The following EHF variants were observed in gnomAD, a reference collection of about 807,000 sequenced individuals.
EHF encodes ETS homologous factor.
Under a neutral mutation model 45.1 loss-of-function variants are expected in EHF, and 14 were observed. The observed-to-expected ratio is 0.31, with a 90% CI of 0.21 to 0.49. The LOEUF (loss-of-function observed/expected upper bound fraction) is 0.49. Ranked by LOEUF, EHF falls within the 20% of genes least tolerant of loss-of-function variation. EHF has a pLI of 0.99. For missense variants in EHF, 282 were observed against 371.4 expected (o/e 0.76, Z 1.98); for synonymous variants, 136 against 131.8 (o/e 1.03, Z -0.22).
At chr11:34,646,970 C>T (rs1423033871) in intron 3 of EHF, 2 of 463,516 alleles carry the variant, frequency 4.3e-6, no homozygotes, top group African/African-American at 4.1e-5. Flanking sequence ...AGAATACTTA[C>T]TATCCTTGGA....
chr11:34,635,953 G>A (rs2134046269), intron 1 of EHF, among the ~76,000 whole-genome samples: 1 of 152,188 alleles, frequency 6.6e-6, no homozygotes, highest in Middle Eastern at 3.4e-3. Flanking sequence ...CAGCCATAAT[G>A]GTACGTCTAC....
intron 2 of EHF, 64 bp downstream of exon 2, chr11:34,642,791 C>A: frequency 8.4e-7 from 1 of 1,186,568 alleles, no homozygotes; most frequent in Non-Finnish European, 1.3e-6. Flanking sequence ...TTTAATTCCT[C>A]TCACAACCTA....
At chr11:34,647,243 TA>T (rs955604245) in intron 3 of EHF, among the ~76,000 whole-genome samples, 1 of 151,934 alleles carries the variant, frequency 6.6e-6, no homozygotes, top group African/African-American at 2.4e-5. Flanking sequence ...GTCTGTAACT[TA>T]AAAAAAGGGT....
chr11:34,649,807 C>A (rs570027130), intron 4 of EHF, among the ~76,000 whole-genome samples: 3 of 152,198 alleles, frequency 2.0e-5, no homozygotes, highest in African/African-American at 7.2e-5. Context: ...AGCCTGGGAG[C>A]CACGTGGGCC....
chr11:34,644,708 G>C (rs1488546479), intron 2 of EHF, among the ~76,000 whole-genome samples: 1 of 152,244 alleles, frequency 6.6e-6, no homozygotes, highest in African/African-American at 2.4e-5. Flanking sequence ...TCTCCTCTGA[G>C]GGTGTTGTGG....
intron 1 of EHF, among the ~76,000 whole-genome samples, chr11:34,631,283 C>T (rs377490848): frequency 1.6e-4 from 25 of 152,254 alleles, no homozygotes; most frequent in South Asian, 1.5e-3. Context: ...ATGCCCGCCT[C>T]GGACTCCCAA....
chr11:34,643,196 T>C (rs1378005618), intron 2 of EHF, among the ~76,000 whole-genome samples: 2 of 151,978 alleles, frequency 1.3e-5, no homozygotes, highest in African/African-American at 4.8e-5. Flanking sequence ...GGAGAGGAGA[T>C]TTGTAAGGAG....
intron 1 of EHF, among the ~76,000 whole-genome samples, chr11:34,634,766 A>G (rs1390924323): frequency 6.6e-6 from 1 of 152,202 alleles, no homozygotes; most frequent in Admixed American, 6.5e-5. Context: ...ATATATATAC[A>G]TATATTTGTA....
rs1232515574 is a variant in EHF, at chr11:34,659,048, G to A, written c.*117G>A. The A allele has an allele frequency of 2.6e-6, 2 of 762,498 alleles. No homozygotes were observed. The highest frequency in any genetic ancestry group is 2.1e-5 in the South Asian group (1 of 47,562). 47.2% of individuals were successfully genotyped at this position (762,498 alleles called of 1,614,324 possible). A position where few individuals can be genotyped will look rare whatever the true frequency, so the allele number is the denominator to read the frequency against. On this transcript the variant is annotated 3_prime_UTR_variant, in exon 9 of 9. Transcript: ENST00000257831. ...CTCTGATATTTATGTACCATGAGGG[G>A]AACAAGAAACTACTTCTAACGGGAA...
chr11:34,649,064 T>C lies in EHF; in HGVS notation c.389T>C (p.Val130Ala), dbSNP rs1360817507. 5 of 1,613,858 alleles carry C rather than the reference T, an allele frequency of 3.1e-6. No homozygotes were observed. In the South Asian group the frequency reaches 5.5e-5, roughly 18 times the overall value. The change falls in exon 4 of 9, where the codon GTC (valine) becomes GCC (alanine). Residue 130 changes from valine (V) to alanine (A), a missense_variant. Around this residue, in one of 3 missense-constraint regions of EHF, gnomAD observed 213 missense variants for 247.3 expected, o/e 0.86. Coordinates refer to ENST00000257831, the MANE Select transcript of EHF (RefSeq NM_012153.6). ...DLFQSTHNVI[V>A]KTEQTEPSIM... ...TTCCAGTCCACACACAATGTCATTG[T>C]CAAGACTGAACAAACTGGTGAGTAG...
chr11:34,658,599 G>C lies in EHF; in HGVS notation c.674G>C (p.Gly225Ala). 1 of 1,613,646 alleles carries C rather than the reference G, an allele frequency of 6.2e-7. No individual in the cohort carries two copies. Among genetic ancestry groups the C allele is most frequent in the Non-Finnish European group, 8.5e-7 (1 of 1,179,704 alleles). The change falls in exon 8 of 9, where the codon GGA (glycine) becomes GCA (alanine). Residue 225 changes from glycine to alanine, a missense_variant. Around this residue, in one of 3 missense-constraint regions of EHF, gnomAD observed 41 missense variants for 87.0 expected, o/e 0.47. Coordinates refer to ENST00000257831, the MANE Select transcript of EHF (RefSeq NM_012153.6). ...DILLNPDKNP[G>A]LIKWEDRSEG... ...CTCTTGAACCCAGACAAGAACCCAG[G>C]ATTAATAAAATGGGAAGACCGATCT...
chr11:34,631,015 GATATT>G (rs1246951435), intron 1 of EHF, among the ~76,000 whole-genome samples: 2 of 152,074 alleles, frequency 1.3e-5, no homozygotes, highest in South Asian at 2.1e-4. Flanking sequence ...CTTAAAAAGA[GATATT>G]ATATTATTTT....
chr11:34,626,503 A>G (rs1369840119), intron 1 of EHF, among the ~76,000 whole-genome samples: 2 of 152,226 alleles, frequency 1.3e-5, no homozygotes, highest in Non-Finnish European at 2.9e-5. Context: ...CAATCTTGTC[A>G]TGATTTCATC....
intron 6 of EHF, among the ~76,000 whole-genome samples, chr11:34,654,774 G>A (rs984093444): frequency 6.6e-6 from 1 of 152,032 alleles, no homozygotes; most frequent in Non-Finnish European, 1.5e-5. Context: ...ATTCACAAAG[G>A]CACCTGAACT....
intron 6 of EHF, among the ~76,000 whole-genome samples, chr11:34,654,058 G>A (rs139239826): frequency 2.6e-4 from 40 of 152,306 alleles, no homozygotes; most frequent in African/African-American, 9.1e-4. Flanking sequence ...AGGGTGGCAC[G>A]GTCTATTAGA....
At chr11:34,655,964 A>C (rs12803316) in intron 6 of EHF, among the ~76,000 whole-genome samples, 57,280 of 151,900 alleles carry the variant, frequency 0.38, 13,076 homozygotes, top group Non-Finnish European at 0.52. Context: ...TCTTAAAATA[A>C]TTGGCTTGTA....
At chr11:34,649,558 C>A (rs1854933822) in intron 4 of EHF, among the ~76,000 whole-genome samples, 2 of 152,204 alleles carry the variant, frequency 1.3e-5, no homozygotes. Flanking sequence ...TGGGGAGCTT[C>A]TGCAGAGATG....
chr11:34,638,971 A>T (rs565822765), intron 1 of EHF, among the ~76,000 whole-genome samples: 1 of 152,326 alleles, frequency 6.6e-6, no homozygotes, highest in East Asian at 1.9e-4. Flanking sequence ...ACTGATTTTG[A>T]TGGGGGACAT....
chr11:34,635,364 T>C (rs995793564), intron 1 of EHF, among the ~76,000 whole-genome samples: 18 of 151,878 alleles, frequency 1.2e-4, no homozygotes, highest in African/African-American at 4.4e-4. Flanking sequence ...TCTTGGGATG[T>C]GTGGTTCCAG....
Sources: gnomAD v4.1 joint callset for allele counts (sites outside exome capture counted in the v4.1 genomes callset) on GRCh38, gnomAD v4.1.1 for gene constraint, gnomAD v4.1.1 regional missense constraint, MANE v1.5 for transcripts, NCBI Gene and HGNC (gene_info 2026-07-23, HGNC 2026-07-21) for gene names.